DOCK3: variants seen among roughly 807,000 people sequenced by gnomAD.
DOCK3 encodes dedicator of cytokinesis 3.
A neutral mutation model predicts 265.6 loss-of-function variants in DOCK3; 60 were observed. The ratio of observed to expected loss-of-function variants is 0.23; its 90% CI spans 0.18 to 0.28. The LOEUF (loss-of-function observed/expected upper bound fraction) is 0.28, where lower values mean the gene tolerates loss of function less well. Among genes scored for constraint, DOCK3 ranks in the 10% least tolerant of loss-of-function variants. DOCK3 has a pLI of 1.00. For synonymous variants in DOCK3, 881 were observed against 938.0 expected (o/e 0.94, Z 1.11); for missense variants, 1,981 against 2,594.3 (o/e 0.76, Z 5.14).
chr3:50,982,586 G>A (rs964806483), intron 5 of DOCK3, among the ~76,000 whole-genome samples: 15 of 152,206 alleles, frequency 9.9e-5, no homozygotes, highest in Non-Finnish European at 2.1e-4. Flanking sequence ...GCCCTGTGTT[G>A]CTGCTCTCAC....
At chr3:50,938,024 G>C (rs538727566) in intron 5 of DOCK3, among the ~76,000 whole-genome samples, 2 of 151,838 alleles carry the variant, frequency 1.3e-5, no homozygotes, top group South Asian at 4.2e-4. Flanking sequence ...GAGGCTAAAG[G>C]TTACAGATAG....
chr3:50,785,720 T>C (rs1303292647), intron 2 of DOCK3, among the ~76,000 whole-genome samples: 2 of 152,214 alleles, frequency 1.3e-5, no homozygotes, highest in Non-Finnish European at 2.9e-5. Context: ...ACGTAGTGTT[T>C]TGTTGAGGAT....
chr3:50,727,675 G>A (rs962133265), intron 1 of DOCK3, among the ~76,000 whole-genome samples: 10 of 152,124 alleles, frequency 6.6e-5, no homozygotes, highest in Non-Finnish European at 1.3e-4. Flanking sequence ...TCCAGCCAGG[G>A]TGATAGAGTG....
At chr3:51,082,406 G>A (rs561509335) in intron 7 of DOCK3, among the ~76,000 whole-genome samples, 4 of 152,122 alleles carry the variant, frequency 2.6e-5, no homozygotes, top group African/African-American at 7.2e-5. Flanking sequence ...GGTCTCCAGC[G>A]CTTTAGCCCA....
Position 50,924,109 on chromosome 3 carries a change from T to C in DOCK3, c.219-9872T>C, listed in dbSNP as rs565978742. The stretch of plus-strand genomic sequence containing the variant: ...TAATTGAATCATATTGTTATCTGTG[T>C]ATGCATGTTTCCCTTGAATTCTAAA... On this transcript the variant is annotated intron_variant, in intron 4 of 52. Coordinates refer to ENST00000266037, the MANE Select transcript of DOCK3 (RefSeq NM_004947.5). 2.6e-5 allele frequency among the ~76,000 whole-genome samples: 4 copies of C among 152,314 alleles called. No individual in the cohort carries two copies. The South Asian group carries it at 8.3e-4, about 32-fold the overall frequency.
rs2085217007 is a variant in DOCK3, at chr3:51,341,220, G to A, written c.3767-17G>A. ...GCAAGGGAAGCCCCTGGACCTCCAT[G>A]CTGTCTGTCCCCACAGAGGCCGCAT... On this transcript the variant is annotated splice_polypyrimidine_tract_variant and intron_variant, in intron 37 of 52. Transcript: ENST00000266037. 8 of 1,555,104 alleles carry A rather than the reference G, an allele frequency of 5.1e-6. No individual in the cohort carries two copies. The highest frequency in any genetic ancestry group is 7.0e-6 in the Non-Finnish European group (8 of 1,149,812).
chr3:51,155,705 C>T (rs1490448021), intron 10 of DOCK3, among the ~76,000 whole-genome samples: 1 of 152,150 alleles, frequency 6.6e-6, no homozygotes, highest in African/African-American at 2.4e-5. Context: ...TTTAGGGTTT[C>T]CTACCAAGGA....
chr3:51,330,016 T>C, intron 32 of DOCK3, 122 bp from the exon 33 acceptor site: 1 of 958,422 alleles, frequency 1.0e-6, no homozygotes, highest in South Asian at 1.6e-5. Context: ...CCCTGGGATT[T>C]CTTTGGAGCA....
rs543572138 is a variant in DOCK3, at chr3:50,804,537, GAC to G, written c.121+25780_121+25781del. ...GGATCACTCACGTTTAGGAGCTGGAGACCAGCCCGGCTAACACGGCGAAACCC... is the reference window on the plus strand; with the variant it reads ...GGATCACTCACGTTTAGGAGCTGGAGCAGCCCGGCTAACACGGCGAAACCC... On this transcript the variant is annotated intron_variant, in intron 2 of 52. Transcript: ENST00000266037. Among the ~76,000 whole-genome samples, 9 of 152,338 alleles carry G rather than the reference GAC, an allele frequency of 5.9e-5. No homozygotes were observed. The South Asian group carries it at 1.9e-3, about 32-fold the overall frequency.
intron 14 of DOCK3, among the ~76,000 whole-genome samples, chr3:51,215,145 T>C (rs1335637237): frequency 6.6e-6 from 1 of 152,190 alleles, no homozygotes; most frequent in East Asian, 1.9e-4. Flanking sequence ...TCTTACTCTG[T>C]TGCCCACGCT....
intron 1 of DOCK3, among the ~76,000 whole-genome samples, chr3:50,734,328 ATC>A (rs1167354451): frequency 9.2e-5 from 14 of 151,944 alleles, no homozygotes; most frequent in Admixed American, 1.3e-4. Context: ...CATAGACCCC[ATC>A]TGTACCAAAA....
chr3:51,266,137 C>T (rs2080149720), intron 23 of DOCK3, among the ~76,000 whole-genome samples: 1 of 152,090 alleles, frequency 6.6e-6, no homozygotes, highest in Non-Finnish European at 1.5e-5. Flanking sequence ...TGAAGGAACT[C>T]TTGAAGGAGA....
chr3:50,994,296 GAC>G lies in DOCK3; in HGVS notation c.315+60222_315+60223del, dbSNP rs2078207249. On this transcript the variant is annotated intron_variant, in intron 5 of 52. Coordinates refer to ENST00000266037, the MANE Select transcript of DOCK3 (RefSeq NM_004947.5). ...TTTATCAAGCAGTTACAATGTATTA[GAC>G]ACCATTTTAAACATTTTTCTATATT... Among the ~76,000 whole-genome samples, 3 of 152,188 alleles carry G rather than the reference GAC, an allele frequency of 2.0e-5. No homozygotes were observed. In the South Asian group the frequency reaches 6.2e-4, roughly 32 times the overall value.
intron 3 of DOCK3, among the ~76,000 whole-genome samples, chr3:50,858,784 G>A (rs1003885566): frequency 2.6e-5 from 4 of 152,142 alleles, no homozygotes; most frequent in African/African-American, 9.6e-5. Context: ...TTTCAGGGAT[G>A]CCAATGATTC....
chr3:51,320,019 T>A (rs1329498548), intron 32 of DOCK3, among the ~76,000 whole-genome samples: 3 of 152,100 alleles, frequency 2.0e-5, no homozygotes, highest in Non-Finnish European at 4.4e-5. Flanking sequence ...AATGAAATTG[T>A]TAGAGGGCTG....
At chr3:50,945,326 G>T (rs1293522264) in intron 5 of DOCK3, among the ~76,000 whole-genome samples, 1 of 151,932 alleles carries the variant, frequency 6.6e-6, no homozygotes, top group Non-Finnish European at 1.5e-5. Context: ...CATATAGTTT[G>T]TTTTTTGTAA....
intron 7 of DOCK3, among the ~76,000 whole-genome samples, chr3:51,081,886 ACT>A (rs2082255894): frequency 9.4e-6 from 1 of 106,806 alleles, no homozygotes; most frequent in African/African-American, 3.6e-5. Context: ...ACAGAGCAAG[ACT>A]CTGTCTCAAA....
intron 49 of DOCK3, among the ~76,000 whole-genome samples, chr3:51,367,426 G>A (rs989752382): frequency 6.6e-6 from 1 of 152,036 alleles, no homozygotes; most frequent in Non-Finnish European, 1.5e-5. Context: ...CACACTGATG[G>A]GTCTTGACTC....
At chr3:50,840,681 G>A (rs1446109557) in intron 2 of DOCK3, among the ~76,000 whole-genome samples, 1 of 152,162 alleles carries the variant, frequency 6.6e-6, no homozygotes, top group African/African-American at 2.4e-5. Context: ...ACCTCATGAT[G>A]TCATTTTCTG....
Sources: allele counts gnomAD v4.1 joint callset (sites outside exome capture counted in the v4.1 genomes callset), GRCh38; gene constraint gnomAD v4.1.1; transcripts MANE v1.5; gene names NCBI Gene and HGNC (gene_info 2026-07-23, HGNC 2026-07-21).